Variants in DIP2C observed in about 807,000 individuals in gnomAD.
DIP2C encodes disco-interacting protein 2 homolog C.
Under a neutral mutation model 192.4 loss-of-function variants are expected in DIP2C, and 33 were observed. The ratio of observed to expected loss-of-function variants is 0.17; its 90% CI spans 0.13 to 0.23. The LOEUF (loss-of-function observed/expected upper bound fraction) is 0.23, where lower values mean the gene tolerates loss of function less well. Ranked by LOEUF, DIP2C falls within the 10% of genes least tolerant of loss-of-function variation. The probability of loss-of-function intolerance (pLI) is 1.00; values close to 1 mark genes in which losing one functional copy is unlikely to be tolerated. For synonymous variants in DIP2C, 979 were observed against 864.1 expected (o/e 1.13, Z -2.33); for missense variants, 1,537 against 2,110.1 (o/e 0.73, Z 5.32).
rs369934211 is a variant in DIP2C, at chr10:602,847, A to C, written c.85+86647T>G. ...AGAAAGATAGCTGGGCCATGGCAGG[A>C]AACTACAGGGTGGGTGAGGCCGGAC... On this transcript the variant is annotated intron_variant, in intron 1 of 36. Transcript: ENST00000280886. Among the ~76,000 whole-genome samples the C allele has an allele frequency of 2.6e-5, 4 of 152,150 alleles. No individual in the cohort carries two copies. In the South Asian group the frequency reaches 8.3e-4, roughly 32 times the overall value.
At chr10:525,024 G>C (rs1262252855) in intron 1 of DIP2C, among the ~76,000 whole-genome samples, 1 of 143,760 alleles carries the variant, frequency 7.0e-6, no homozygotes, top group African/African-American at 2.7e-5. Flanking sequence ...ACCAAATCCA[G>C]GATATTCTGA....
At position 486,507 on chromosome 10, in the gene DIP2C, C is replaced by T. The variant is rs1844026893; in HGVS notation, c.109G>A (p.Glu37Lys). The change falls in exon 2 of 37, where the codon GAA becomes AAA. Residue 37 changes from glutamate to lysine, a missense_variant. This residue lies in a region of DIP2C where 473 missense variants were observed against 539.6 expected (regional missense o/e 0.88). Coordinates refer to ENST00000280886, the MANE Select transcript of DIP2C (RefSeq NM_014974.3). ...SEGDITQKGY[E>K]KKRSKLIGAY... Reference sequence around the variant, plus strand: ...CCAATTAACTTTGACCTCTTCTTTTCATATCCTTTTTGTGTGATGTCACCT... The same window carrying T: ...CCAATTAACTTTGACCTCTTCTTTTTATATCCTTTTTGTGTGATGTCACCT... 2 of 1,605,732 alleles carry T rather than the reference C, an allele frequency of 1.2e-6. No individual in the cohort carries two copies. Among genetic ancestry groups the T allele is most frequent in the Non-Finnish European group, 1.7e-6 (2 of 1,176,274 alleles).
At chr10:603,062 AT>A (rs1813201360) in intron 1 of DIP2C, among the ~76,000 whole-genome samples, 2 of 152,120 alleles carry the variant, frequency 1.3e-5, no homozygotes, top group Non-Finnish European at 2.9e-5. Context: ...GGAATTCCAC[AT>A]CACCACTAAT....
intron 32 of DIP2C, among the ~76,000 whole-genome samples, chr10:303,524 T>C (rs1956157102): frequency 6.6e-6 from 1 of 151,694 alleles, no homozygotes; most frequent in Non-Finnish European, 1.5e-5. Context: ...TTTTTTACTT[T>C]TTTTTTTTCT....
chr10:303,634 C>G (rs1036063757), intron 32 of DIP2C, among the ~76,000 whole-genome samples: 6 of 152,142 alleles, frequency 3.9e-5, no homozygotes, highest in African/African-American at 1.4e-4. Context: ...AGCGATTCTC[C>G]TGCCTCAGCC....
chr10:352,457 G>T (rs573149295), intron 24 of DIP2C, among the ~76,000 whole-genome samples: 6 of 152,314 alleles, frequency 3.9e-5, no homozygotes, highest in South Asian at 4.1e-4. Context: ...CCACGAGGAC[G>T]GTGCCCTTCT....
rs183376367 is a variant in DIP2C, at chr10:595,879, C to A, written c.85+93615G>T. ...TCATAATCTGAGGCCTGACAGCCAT[C>A]GTTCTTGATAAAGGGATGGTTAACA... On this transcript the variant is annotated intron_variant, in intron 1 of 36. Coordinates refer to ENST00000280886, the MANE Select transcript of DIP2C (RefSeq NM_014974.3). Among the ~76,000 whole-genome samples the A allele has an allele frequency of 5.9e-5, 9 of 152,316 alleles. No homozygotes were observed. The South Asian group carries it at 1.9e-3, about 32-fold the overall frequency.
intron 2 of DIP2C, among the ~76,000 whole-genome samples, chr10:482,797 C>A (rs1242392693): frequency 6.6e-6 from 1 of 152,208 alleles, no homozygotes; most frequent in Non-Finnish European, 1.5e-5. Context: ...TCTGAAGAGG[C>A]TGCCAGGCAG....
intron 2 of DIP2C, among the ~76,000 whole-genome samples, chr10:479,328 CTTTTTTTTTTT>C (rs766379689): frequency 4.5e-5 from 4 of 88,458 alleles, no homozygotes; most frequent in African/African-American, 4.4e-5. Flanking sequence ...TCTCACACTG[CTTTTTTTTTTT>C]TTTTTTTTTT....
chr10:438,823 G>A (rs115397165), intron 4 of DIP2C, among the ~76,000 whole-genome samples: 1,584 of 151,988 alleles, frequency 0.01, 30 homozygotes, highest in African/African-American at 0.036. Context: ...ATTTATTATC[G>A]TTATTTTTTT....
intron 1 of DIP2C, among the ~76,000 whole-genome samples, chr10:555,118 C>T (rs906966430): frequency 1.3e-5 from 2 of 152,074 alleles, no homozygotes; most frequent in African/African-American, 4.8e-5. Flanking sequence ...AAAATGCATG[C>T]CTATAAAATG....
In DIP2C at chr10:426,589, T is replaced by C. The variant is rs1322427476; in HGVS notation, c.395-3556A>G. Reference sequence around the variant, plus strand: ...AAAACAAAGTTGGAGGACTTCACTATCTGATTTCAAAACTTTACATAAAGT... The same window carrying C: ...AAAACAAAGTTGGAGGACTTCACTACCTGATTTCAAAACTTTACATAAAGT... On this transcript the variant is annotated intron_variant, in intron 4 of 36. Transcript: ENST00000280886. 2.6e-5 allele frequency among the ~76,000 whole-genome samples: 4 copies of C among 152,358 alleles called. No individual in the cohort carries two copies. In the South Asian group the frequency reaches 8.3e-4, roughly 32 times the overall value.
At chr10:375,751 G>C (rs1275452702) in intron 17 of DIP2C, among the ~76,000 whole-genome samples, 1 of 152,192 alleles carries the variant, frequency 6.6e-6, no homozygotes, top group Non-Finnish European at 1.5e-5. Context: ...ACATCAAGTA[G>C]TGAACAAGCC....
At chr10:317,912 C>T (rs1956845583) in intron 31 of DIP2C, among the ~76,000 whole-genome samples, 2 of 152,202 alleles carry the variant, frequency 1.3e-5, no homozygotes, top group Admixed American at 1.3e-4. Flanking sequence ...TTTACAATTC[C>T]ATCTGTAGAT....
intron 3 of DIP2C, among the ~76,000 whole-genome samples, chr10:464,561 A>AAG (rs61575538): frequency 0.86 from 130,138 of 152,096 alleles, 58,080 homozygotes; most frequent in Non-Finnish European, 0.97. Context: ...ACCATTGTGG[A>AAG]AGAGTGTGGT....
chr10:496,649 C>G (rs1564789150), intron 1 of DIP2C, among the ~76,000 whole-genome samples: 1 of 151,766 alleles, frequency 6.6e-6, no homozygotes, highest in Non-Finnish European at 1.5e-5. Flanking sequence ...TGCACAGAAC[C>G]CACAGTGACC....
At chr10:382,333 T>C (rs932696542) in intron 17 of DIP2C, among the ~76,000 whole-genome samples, 1 of 152,132 alleles carries the variant, frequency 6.6e-6, no homozygotes, top group African/African-American at 2.4e-5. Flanking sequence ...AACCAGAGAT[T>C]GGTACACGCA....
At chr10:606,301 A>AGCCACACAGCTCAGGGCACG (rs916229691) in intron 1 of DIP2C, among the ~76,000 whole-genome samples, 1 of 152,172 alleles carries the variant, frequency 6.6e-6, no homozygotes, top group African/African-American at 2.4e-5. Context: ...CACCAGTCAC[A>AGCCACACAGCTCAGGGCACG]GCCACACAGC....
chr10:370,449 C>A (rs1273906328), intron 17 of DIP2C, among the ~76,000 whole-genome samples: 2 of 152,154 alleles, frequency 1.3e-5, no homozygotes, highest in Non-Finnish European at 2.9e-5. Flanking sequence ...TTCTTGTCCC[C>A]TCAGAAAACA....
Sources: allele counts gnomAD v4.1 joint callset (sites outside exome capture counted in the v4.1 genomes callset), GRCh38; gene constraint gnomAD v4.1.1; regional missense constraint gnomAD v4.1.1; transcripts MANE v1.5; gene names NCBI Gene and HGNC (gene_info 2026-07-23, HGNC 2026-07-21).